The following NLGN2 variants were observed in gnomAD, a reference collection of about 807,000 sequenced individuals.
NLGN2 encodes the protein neuroligin 2.
Under a neutral mutation model 48.6 loss-of-function variants are expected in NLGN2, and 11 were observed. The ratio of observed to expected loss-of-function variants is 0.23; its 90% confidence interval spans 0.14 to 0.37. The LOEUF (loss-of-function observed/expected upper bound fraction) is 0.37, where lower values mean the gene tolerates loss of function less well. Among genes scored for constraint, NLGN2 ranks in the 10% least tolerant of loss-of-function variants. The probability of loss-of-function intolerance (pLI) is 1.00; values close to 1 mark genes in which losing one functional copy is unlikely to be tolerated. For synonymous variants in NLGN2, 548 were observed against 550.0 expected (o/e 1.00, Z 0.05); for missense variants, 801 against 1,225.2 (o/e 0.65, Z 5.17).
chr17:7,406,675 G>T (rs1906658063), upstream of NLGN2, among the ~76,000 whole-genome samples: 1 of 145,798 alleles, frequency 6.9e-6, no homozygotes. Flanking sequence ...TTGCCGAAAT[G>T]ACCTGGGTGT....
upstream of NLGN2, among the ~76,000 whole-genome samples, chr17:7,407,029 G>A (rs556413262): frequency 3.6e-4 from 55 of 152,198 alleles, no homozygotes; most frequent in South Asian, 8.9e-3. Context: ...GGCTTTTAGC[G>A]TTCTTGGTGC....
upstream of NLGN2, among the ~76,000 whole-genome samples, chr17:7,407,451 G>A (rs1356806140): frequency 1.3e-5 from 2 of 152,218 alleles, no homozygotes; most frequent in African/African-American, 2.4e-5. Context: ...TGCTAGGTTT[G>A]TGCAGTCCCA....
At chr17:7,412,464 A>G (rs2150814659) in intron 2 of NLGN2, among the ~76,000 whole-genome samples, 2 of 152,372 alleles carry the variant, frequency 1.3e-5, no homozygotes, top group Middle Eastern at 3.4e-3. Flanking sequence ...CTGAAAAACA[A>G]AAAGAAATTG....
At position 7,416,894 on chromosome 17, in the gene NLGN2, C is replaced by T. The variant is rs777847405; in HGVS notation, c.1635-32C>T. The T allele has an allele frequency of 1.2e-5, 20 of 1,611,008 alleles. No homozygotes were observed. The African/African-American group carries it at 2.5e-4, about 20-fold the overall frequency. ...ACCCTCCTTCAGAGCCTTGCCCTCACTCCTCCTTTCCCTGCCCTCCTGTGC... is the reference window on the plus strand; with the variant it reads ...ACCCTCCTTCAGAGCCTTGCCCTCATTCCTCCTTTCCCTGCCCTCCTGTGC... On this transcript the variant is annotated intron_variant, in intron 6 of 6. Transcript: ENST00000302926.
Position 7,417,290 on chromosome 17 carries a change from G to A in NLGN2, c.1999G>A (p.Gly667Arg), listed in dbSNP as rs775332349. The A allele has an allele frequency of 1.7e-5, 28 of 1,600,470 alleles. No homozygotes were observed. The highest frequency in any genetic ancestry group is 1.7e-4 in the Middle Eastern group (1 of 6,040). The change falls in exon 7 of 7, where the codon GGG (glycine) becomes AGG (arginine). Residue 667 changes from glycine to arginine, a missense_variant. This residue lies in a region of NLGN2 where 276 missense variants were observed against 313.9 expected (regional missense o/e 0.88). Coordinates refer to ENST00000302926, the MANE Select transcript of NLGN2 (RefSeq NM_020795.4). ...PGPRAYDRFP[G>R]DSRDYSTELS... ...CCCAAGGGCCTATGACCGCTTCCCC[G>A]GGGACTCACGGGACTACTCCACGGA...
rs1234648377 is a variant in NLGN2 at position 7,418,537 on chromosome 17, G to A, written c.*738G>A. ...TGGAAGCTTATTTTCCCGTGGCCAG[G>A]ACGCATTTCTCTGAGTGGAAACAGG... On this transcript the variant is annotated 3_prime_UTR_variant, in exon 7 of 7. Transcript: ENST00000302926. 2 of 152,256 alleles carry A rather than the reference G, an allele frequency of 1.3e-5. No individual in the cohort carries two copies. The highest frequency in any genetic ancestry group is 2.9e-5 in the Non-Finnish European group (2 of 68,076). The allele number at this position is 152,256 out of a possible 1,614,324, so 9.4% of individuals were successfully genotyped here.
upstream of NLGN2, among the ~76,000 whole-genome samples, chr17:7,406,462 CT>C (rs1906642630): frequency 1.3e-5 from 2 of 152,042 alleles, no homozygotes; most frequent in Non-Finnish European, 2.9e-5. Flanking sequence ...CCCGAGCCAC[CT>C]CCAGGTGATG....
chr17:7,412,445 G>A (rs557592333), intron 2 of NLGN2, among the ~76,000 whole-genome samples: 32 of 152,262 alleles, frequency 2.1e-4, no homozygotes, highest in African/African-American at 7.2e-4. Flanking sequence ...TAAACATGGT[G>A]AAAATAAGCT....
intron 6 of NLGN2, among the ~76,000 whole-genome samples, chr17:7,416,676 C>T (rs1907113683): frequency 6.6e-6 from 1 of 152,134 alleles, no homozygotes. Context: ...GTCCCTGCCC[C>T]TCTGCCCGCA....
At position 7,413,587 on chromosome 17, in the gene NLGN2, C is replaced by T. The variant is rs79494907; in HGVS notation, c.509-757C>T. The stretch of plus-strand genomic sequence containing the variant: ...AGTCCAATCTGGAGCAACTCAAGGG[C>T]CTGATCACATGTGGCAGTGATCAGG... On this transcript the variant is annotated intron_variant, in intron 2 of 6. Transcript: ENST00000302926. This position sits in a 1 kb window ranked among gnomAD's most constrained non-coding sequence, Gnocchi z 4.9. Among the ~76,000 whole-genome samples, 2 of 152,232 alleles carry T rather than the reference C, an allele frequency of 1.3e-5. No individual in the cohort carries two copies. Among genetic ancestry groups the T allele is most frequent in the African/African-American group, 4.8e-5 (2 of 41,520 alleles).
In NLGN2 at chr17:7,417,082, G is replaced by A. The variant is rs747400622; in HGVS notation, c.1791G>A (p.Lys597=). 2 of 1,613,876 alleles carry A rather than the reference G, an allele frequency of 1.2e-6. No individual in the cohort carries two copies. The highest frequency in any genetic ancestry group is 1.7e-6 in the Non-Finnish European group (2 of 1,180,026). ...TGCGTGACAACTACCGCGCCAACAA[G>A]GTGGCCTTCTGGCTGGAGCTCGTGC... The part of the protein sequence containing the change: ...PRVRDNYRAN[K]VAFWLELVPH... Residue 597 remains lysine (K), a synonymous_variant, in exon 7 of 7, where the codon AAG becomes AAA. Coordinates refer to ENST00000302926, the MANE Select transcript of NLGN2 (RefSeq NM_020795.4).
intron 2 of NLGN2, among the ~76,000 whole-genome samples, chr17:7,414,021 G>A (rs1906996290): frequency 6.6e-6 from 1 of 152,140 alleles, no homozygotes; most frequent in Admixed American, 6.5e-5. Context: ...GCTGTGTGCG[G>A]GGGTGCTGGG....
In NLGN2 at chr17:7,413,404, G is replaced by T. The variant is rs901103064; in HGVS notation, c.509-940G>T. Among the ~76,000 whole-genome samples, 1 of 152,180 alleles carries T rather than the reference G, an allele frequency of 6.6e-6. No homozygotes were observed. Among genetic ancestry groups the T allele is most frequent in the African/African-American group, 2.4e-5 (1 of 41,426 alleles). On this transcript the variant is annotated intron_variant, in intron 2 of 6. Coordinates refer to ENST00000302926, the MANE Select transcript of NLGN2 (RefSeq NM_020795.4). This position sits in a 1 kb window ranked among gnomAD's most constrained non-coding sequence, Gnocchi z 4.9. ...GCTGAGTATCCAGGCTAGCAGGGAGGGCCAGTGTCAAGAAAGAGGAGGGCC... is the reference window on the plus strand; with the variant it reads ...GCTGAGTATCCAGGCTAGCAGGGAGTGCCAGTGTCAAGAAAGAGGAGGGCC...
chr17:7,408,090 T>G lies in NLGN2; in HGVS notation c.-166T>G. ...CCCTCCATGGAGAGGAACAGACCCC[T>G]TCTCTGTCCAGTCTAACCCAGGTCC... On this transcript the variant is annotated 5_prime_UTR_variant, in exon 1 of 7. Transcript: ENST00000302926. This position sits in a 1 kb window ranked among gnomAD's most constrained non-coding sequence, Gnocchi z 7.5. The G allele has an allele frequency of 1.5e-5, 4 of 273,314 alleles. No individual in the cohort carries two copies. The highest frequency in any genetic ancestry group is 5.7e-5 in the Admixed American group (1 of 17,590). The allele number at this position is 273,314 out of a possible 1,614,324, so 16.9% of individuals were successfully genotyped here.
intron 6 of NLGN2, among the ~76,000 whole-genome samples, chr17:7,416,359 G>T (rs986942479): frequency 6.9e-6 from 1 of 145,722 alleles, no homozygotes; most frequent in Non-Finnish European, 1.6e-5. Context: ...CCTCCTCCTT[G>T]CCTGATCCCC....
Position 7,413,994 on chromosome 17 carries a change from G to C in NLGN2, c.509-350G>C, listed in dbSNP as rs1309663841. On this transcript the variant is annotated intron_variant, in intron 2 of 6. Coordinates refer to ENST00000302926, the MANE Select transcript of NLGN2 (RefSeq NM_020795.4). The surrounding 1 kb of genome is among the most constrained non-coding windows in gnomAD (Gnocchi z 4.9). ...AGCCTCGGGAGCTTGCTCTTCCCAG[G>C]GACAGGAAGGAGATGTGCTGTGTGC... 1.3e-5 allele frequency among the ~76,000 whole-genome samples: 2 copies of C among 152,122 alleles called. No homozygotes were observed. The highest frequency in any genetic ancestry group is 4.8e-5 in the African/African-American group (2 of 41,422).
At chr17:7,409,169 G>A (rs1041773226) in intron 1 of NLGN2, among the ~76,000 whole-genome samples, 4 of 152,046 alleles carry the variant, frequency 2.6e-5, no homozygotes, top group Non-Finnish European at 5.9e-5. Context: ...CAAGGACAAC[G>A]CAGGCTCTCC....
At chr17:7,414,271 C>T (rs1050039728) in intron 2 of NLGN2, 73 bp from the exon 3 acceptor site, 11 of 1,419,208 alleles carry the variant, frequency 7.8e-6, no homozygotes, top group African/African-American at 4.2e-5. Flanking sequence ...GGGAGCTGGG[C>T]GCTGCTGCTT....
chr17:7,414,640 G>T, intron 3 of NLGN2, 23 bp from the exon 4 acceptor site: 3 of 1,613,340 alleles, frequency 1.9e-6, no homozygotes, highest in Non-Finnish European at 2.5e-6. Context: ...CCTCCAGGGA[G>T]CCCTCTTCTT....
Sources: gnomAD v4.1 joint callset for allele counts (sites outside exome capture counted in the v4.1 genomes callset) on GRCh38, gnomAD v4.1.1 for gene constraint, gnomAD v4.1.1 regional missense constraint, Gnocchi (gnomAD v3.1) non-coding constraint, MANE v1.5 for transcripts, NCBI Gene and HGNC (gene_info 2026-07-23, HGNC 2026-07-21) for gene names.